The following ARFIP2 variants were observed in gnomAD, a reference collection of about 807,000 sequenced individuals.
ARFIP2 encodes ARF interacting protein 2.
Under a neutral mutation model 39.2 loss-of-function variants are expected in ARFIP2, and 14 were observed. The ratio of observed to expected loss-of-function variants is 0.36; its 90% CI spans 0.24 to 0.56. The LOEUF is 0.56. ARFIP2 is among the 20% of genes least tolerant of loss of function. The pLI is 0.85. For synonymous variants in ARFIP2, 167 were observed against 172.4 expected (o/e 0.97, Z 0.24); for missense variants, 305 against 422.5 (o/e 0.72, Z 2.44).
chr11:6,478,024 C>G lies in ARFIP2; in HGVS notation c.695+17G>C. 1 of 1,612,762 alleles carries G rather than the reference C, an allele frequency of 6.2e-7. No individual in the cohort carries two copies. Among genetic ancestry groups the G allele is most frequent in the Non-Finnish European group, 8.5e-7 (1 of 1,178,946 alleles). On this transcript the variant is annotated intron_variant, in intron 6 of 7. Transcript: ENST00000396777. This position sits in a 1 kb window ranked among gnomAD's most constrained non-coding sequence, Gnocchi z 4.8. Reference sequence around the variant, plus strand: ...CCAGCCAACTCCCCAAACCCTAAGCCCTGCCAGTGCCCACACCTGGCAGCC... The same window carrying G: ...CCAGCCAACTCCCCAAACCCTAAGCGCTGCCAGTGCCCACACCTGGCAGCC...
In ARFIP2 at chr11:6,477,647, G is replaced by A. The variant is rs1002596206; in HGVS notation, c.870+71C>T. On this transcript the variant is annotated intron_variant, in intron 7 of 7. Transcript: ENST00000396777. This position sits in a 1 kb window ranked among gnomAD's most constrained non-coding sequence, Gnocchi z 4.8. Reference sequence around the variant, plus strand: ...GCTGCATTTCCTCATTCAATAATGGGGAGGGTCTGAGGGGAAGGTTAGTGT... The same window carrying A: ...GCTGCATTTCCTCATTCAATAATGGAGAGGGTCTGAGGGGAAGGTTAGTGT... 8.5e-6 allele frequency: 13 copies of A among 1,537,458 alleles called. No individual in the cohort carries two copies. Among genetic ancestry groups the A allele is most frequent in the Non-Finnish European group, 1.1e-5 (12 of 1,128,286 alleles).
rs1335406520 is a variant in ARFIP2, at chr11:6,477,453, G to T, written c.871-185C>A. ...CAGTATGATGGAAGAAACCTCACTG[G>T]ATTTGTGGGCCTAGGGTTTTTGTAC... On this transcript the variant is annotated intron_variant, in intron 7 of 7. Coordinates refer to ENST00000396777, the MANE Select transcript of ARFIP2 (RefSeq NM_001376558.2). The surrounding 1 kb of genome is among the most constrained non-coding windows in gnomAD (Gnocchi z 4.8). 6.6e-6 allele frequency among the ~76,000 whole-genome samples: 1 copy of T among 152,128 alleles called. No individual in the cohort carries two copies. Among genetic ancestry groups the T allele is most frequent in the Non-Finnish European group, 1.5e-5 (1 of 68,016 alleles).
At position 6,478,041 on chromosome 11, in the gene ARFIP2, C is replaced by T. The variant is rs1387844422; in HGVS notation, c.695G>A (p.Arg232Lys). ...CCCTAAGCCCTGCCAGTGCCCACAC[C>T]TGGCAGCCTCATACTGTTTCACAGT... ...LMTVKQYEAARLEYDAYRTDL... is the reference protein window; with the variant it reads ...LMTVKQYEAAKLEYDAYRTDL... The change falls in exon 6 of 8, where the codon AGG becomes AAG. Residue 232 changes from arginine to lysine, a missense_variant and splice_region_variant. Arg to Lys is a conservative substitution (Grantham distance 26). Transcript: ENST00000396777. This position sits in a 1 kb window ranked among gnomAD's most constrained non-coding sequence, Gnocchi z 4.8. 6.2e-7 allele frequency: 1 copy of T among 1,613,512 alleles called. No individual in the cohort carries two copies. The highest frequency in any genetic ancestry group is 1.3e-5 in the African/African-American group (1 of 74,908).
intron 3 of ARFIP2, 131 bp downstream of exon 3, chr11:6,479,841 T>C (rs1223652339): frequency 2.2e-6 from 2 of 895,882 alleles, no homozygotes; most frequent in Admixed American, 2.0e-5. Context: ...GGAGAGTCCA[T>C]GAGGTTCCTA....
chr11:6,477,944 A>T lies in ARFIP2; in HGVS notation c.696-52T>A. 1 of 1,601,278 alleles carries T rather than the reference A, an allele frequency of 6.2e-7. No homozygotes were observed. The highest frequency in any genetic ancestry group is 8.5e-7 in the Non-Finnish European group (1 of 1,170,610). On this transcript the variant is annotated intron_variant, in intron 6 of 7. Coordinates refer to ENST00000396777, the MANE Select transcript of ARFIP2 (RefSeq NM_001376558.2). This position sits in a 1 kb window ranked among gnomAD's most constrained non-coding sequence, Gnocchi z 4.8. ...CTCCACTCCTTTATCCTCAACACAT[A>T]CTCTCCTTTCCTTCCTGAATTCTTA...
chr11:6,478,716 C>T lies in ARFIP2; in HGVS notation c.537+22G>A, dbSNP rs747851322. 2.5e-6 allele frequency: 4 copies of T among 1,601,762 alleles called. No homozygotes were observed. In the East Asian group the frequency reaches 9.0e-5, roughly 36 times the overall value. ...AGGGCCCATGCCCAGTTCCCCCACC[C>T]TCTTTGGTCTGGGTGAGGCACCTGA... On this transcript the variant is annotated intron_variant, in intron 5 of 7. Transcript: ENST00000396777. This position sits in a 1 kb window ranked among gnomAD's most constrained non-coding sequence, Gnocchi z 4.8.
At chr11:6,480,542 G>T in intron 1 of ARFIP2, 79 bp from the exon 2 acceptor site, 1 of 720,548 alleles carries the variant, frequency 1.4e-6, no homozygotes, top group Non-Finnish European at 2.2e-6. Context: ...TTTCTTTAAA[G>T]GCTGTCCCAG....
rs775906399 is a variant in ARFIP2 at position 6,478,615 on chromosome 11, T to C, written c.537+123A>G. The stretch of plus-strand genomic sequence containing the variant: ...CTCCACAGGTGAGTGCTGCTGGGGG[T>C]AGGGCTGGGCCCACCCTGAAGGGGT... On this transcript the variant is annotated intron_variant, in intron 5 of 7. Coordinates refer to ENST00000396777, the MANE Select transcript of ARFIP2 (RefSeq NM_001376558.2). The surrounding 1 kb of genome is among the most constrained non-coding windows in gnomAD (Gnocchi z 4.8). The C allele has an allele frequency of 3.4e-6, 5 of 1,463,850 alleles. 1 individual carries two copies. In the South Asian group the frequency reaches 6.7e-5, roughly 20 times the overall value. The allele number at this position is 1,463,850 out of a possible 1,614,324, so 90.7% of individuals were successfully genotyped here. A position where few individuals can be genotyped will look rare whatever the true frequency, so the allele number is the denominator to read the frequency against.
At chr11:6,479,047 T>A (rs1851432485) in intron 4 of ARFIP2, 88 bp from the exon 5 acceptor site, 1 of 1,579,672 alleles carries the variant, frequency 6.3e-7, no homozygotes, top group African/African-American at 1.3e-5. Flanking sequence ...AGGCTCCTAC[T>A]CTCAGCCACA....
chr11:6,480,807 T>A (rs1851664815), intron 1 of ARFIP2: 4 of 188,498 alleles, frequency 2.1e-5, no homozygotes, highest in African/African-American at 9.5e-5. Context: ...TTAGAACTTA[T>A]CTCCATGCAG....
Position 6,478,537 on chromosome 11 carries a change from C to T in ARFIP2, c.537+201G>A. 1 of 1,425,260 alleles carries T rather than the reference C, an allele frequency of 7.0e-7. No individual in the cohort carries two copies. The highest frequency in any genetic ancestry group is 9.2e-7 in the Non-Finnish European group (1 of 1,090,232). 88.3% of individuals were successfully genotyped at this position (1,425,260 alleles called of 1,614,324 possible). A position where few individuals can be genotyped will look rare whatever the true frequency, so the allele number is the denominator to read the frequency against. On this transcript the variant is annotated intron_variant, in intron 5 of 7. Transcript: ENST00000396777. This position sits in a 1 kb window ranked among gnomAD's most constrained non-coding sequence, Gnocchi z 4.8. Reference sequence around the variant, plus strand: ...GTTATTTGTGAGGCACCTAGTGTGCCCCCTCCCCCACCCCCTCCAACTTCT... The same window carrying T: ...GTTATTTGTGAGGCACCTAGTGTGCTCCCTCCCCCACCCCCTCCAACTTCT...
At chr11:6,480,238 A>C in intron 2 of ARFIP2, 85 bp downstream of exon 2, 1 of 1,419,002 alleles carries the variant, frequency 7.0e-7, no homozygotes, top group Non-Finnish European at 9.8e-7. Flanking sequence ...AGTCAGGGGA[A>C]GGCTACTGGA....
In ARFIP2 at chr11:6,477,849, G is replaced by C. The variant is rs141696116; in HGVS notation, c.739C>G (p.Leu247Val). The C allele has an allele frequency of 5.6e-6, 9 of 1,613,916 alleles. No individual in the cohort carries two copies. The African/African-American group carries it at 9.3e-5, about 17-fold the overall frequency. Reference sequence around the variant, plus strand: ...CGTGTCCCTGCATCCCGGGGGCCTAGACTCAGCTCCTCTAAGTCTGTTCGG... The same window carrying C: ...CGTGTCCCTGCATCCCGGGGGCCTACACTCAGCTCCTCTAAGTCTGTTCGG... ...AYRTDLEELS[L>V]GPRDAGTRGR... is the part of the protein sequence containing the mutation. Residue 247 changes from leucine (L) to valine (V), a missense_variant, in exon 7 of 8, where the codon CTA (leucine) becomes GTA (valine). Leu to Val is a conservative substitution (Grantham distance 32, BLOSUM62 1). This residue lies in a region of ARFIP2 where 112 missense variants were observed against 118.2 expected (regional missense o/e 0.95). Transcript: ENST00000396777. This position sits in a 1 kb window ranked among gnomAD's most constrained non-coding sequence, Gnocchi z 4.8.
Position 6,479,484 on chromosome 11 carries a change from AGTT to A in ARFIP2, c.197-229_197-227del, listed in dbSNP as rs1589853539. On this transcript the variant is annotated intron_variant, in intron 3 of 7. Transcript: ENST00000396777. ...GGGGTTAGAGGAGGGGTTTGCAGGG[AGTT>A]GTTGGTGTACAGGGGCAGAGGAAAC... 2.0e-5 allele frequency: 15 copies of A among 738,914 alleles called. No individual in the cohort carries two copies. The East Asian group carries it at 4.0e-4, about 20-fold the overall frequency. 45.8% of individuals were successfully genotyped at this position (738,914 alleles called of 1,614,324 possible).
Position 6,480,929 on chromosome 11 carries a change from C to A in ARFIP2, c.-43+302G>T, listed in dbSNP as rs1470212511. 1.8e-5 allele frequency: 3 copies of A among 170,408 alleles called. No homozygotes were observed. In the Admixed American group the frequency reaches 1.8e-4, roughly 10 times the overall value. The allele number at this position is 170,408 out of a possible 1,614,324, so 10.6% of individuals were successfully genotyped here. On this transcript the variant is annotated intron_variant, in intron 1 of 7. Transcript: ENST00000396777. ...CACATTCCTTTAGCGTTTCTTCCCCCTTCCTTCAGGGGGTCTCCCCTCCTC... is the reference window on the plus strand; with the variant it reads ...CACATTCCTTTAGCGTTTCTTCCCCATTCCTTCAGGGGGTCTCCCCTCCTC...
chr11:6,478,346 G>A lies in ARFIP2; in HGVS notation c.538-148C>T, dbSNP rs955024086. Reference sequence around the variant, plus strand: ...TGCCTCCAGCAAGGCTCTCTTAGCCGGAAAGTTAGTGGGATCACCCTGGGG... The same window carrying A: ...TGCCTCCAGCAAGGCTCTCTTAGCCAGAAAGTTAGTGGGATCACCCTGGGG... On this transcript the variant is annotated intron_variant, in intron 5 of 7. Coordinates refer to ENST00000396777, the MANE Select transcript of ARFIP2 (RefSeq NM_001376558.2). This position sits in a 1 kb window ranked among gnomAD's most constrained non-coding sequence, Gnocchi z 4.8. 2.5e-5 allele frequency: 28 copies of A among 1,132,104 alleles called. No individual in the cohort carries two copies. Among genetic ancestry groups the A allele is most frequent in the Non-Finnish European group, 3.2e-5 (26 of 800,216 alleles). The allele number at this position is 1,132,104 out of a possible 1,614,324, so 70.1% of individuals were successfully genotyped here. A position where few individuals can be genotyped will look rare whatever the true frequency, so the allele number is the denominator to read the frequency against.
In ARFIP2 at chr11:6,481,278, C is replaced by T; in HGVS notation, c.-90G>A. ...CTCAGGGCGCCAGGCCCGGGCCGCG[C>T]GGGGACCTCGGGCTCCAGTTCCCGT... is the stretch of plus-strand genomic sequence containing the variant. On this transcript the variant is annotated 5_prime_UTR_variant, in exon 1 of 8. Coordinates refer to ENST00000396777, the MANE Select transcript of ARFIP2 (RefSeq NM_001376558.2). 1.6e-6 allele frequency: 1 copy of T among 634,278 alleles called. No individual in the cohort carries two copies. Among genetic ancestry groups the T allele is most frequent in the South Asian group, 2.0e-5 (1 of 50,852 alleles). The allele number at this position is 634,278 out of a possible 1,614,324, so 39.3% of individuals were successfully genotyped here.
rs1357237505 is a variant in ARFIP2, at chr11:6,479,951, C to T, written c.196+21G>A. On this transcript the variant is annotated intron_variant, in intron 3 of 7. Transcript: ENST00000396777. ...CCTGTCCCCTCCTCCACCCAAGATTCCTGTTTCTGAACATTCATACCTGTG... is the reference window on the plus strand; with the variant it reads ...CCTGTCCCCTCCTCCACCCAAGATTTCTGTTTCTGAACATTCATACCTGTG... 8 of 1,610,564 alleles carry T rather than the reference C, an allele frequency of 5.0e-6. No homozygotes were observed. The Admixed American group carries it at 1.0e-4, about 20-fold the overall frequency.
intron 1 of ARFIP2, chr11:6,480,867 C>T (rs1209783398): frequency 1.2e-5 from 2 of 171,292 alleles, no homozygotes; most frequent in Admixed American, 1.2e-4. Flanking sequence ...AGGTCTTCAC[C>T]CCCCTATTCA....
Sources: allele counts gnomAD v4.1 joint callset (sites outside exome capture counted in the v4.1 genomes callset), GRCh38; gene constraint gnomAD v4.1.1; regional missense constraint gnomAD v4.1.1; non-coding constraint Gnocchi (gnomAD v3.1); transcripts MANE v1.5; gene names NCBI Gene and HGNC (gene_info 2026-07-23, HGNC 2026-07-21).